GALK2: variants seen among roughly 807,000 people sequenced by gnomAD.
The protein encoded by GALK2 is N-acetylgalactosamine kinase.
In GALK2, 36 loss-of-function variants were observed where a neutral mutation model predicts 52.4. The observed-to-expected ratio is 0.69, with a 90% confidence interval of 0.53 to 0.91. The LOEUF (loss-of-function observed/expected upper bound fraction) is 0.91, where lower values mean the gene tolerates loss of function less well. GALK2 is among the 40% of genes least tolerant of loss of function. The probability of loss-of-function intolerance (pLI) is 0.00; values close to 1 mark genes in which losing one functional copy is unlikely to be tolerated. For missense variants in GALK2, 579 were observed against 559.1 expected (o/e 1.04, Z -0.36); for synonymous variants, 176 against 199.1 (o/e 0.88, Z 0.98).
At chr15:49,240,484 A>C (rs533295509) in intron 5 of GALK2, among the ~76,000 whole-genome samples, 1 of 152,362 alleles carries the variant, frequency 6.6e-6, no homozygotes, top group African/African-American at 2.4e-5. Context: ...ACAAGTAAAT[A>C]GGCAACTGCA....
chr15:49,365,703 A>G (rs2045039497), intron 3 of GALK2: 2 of 909,416 alleles, frequency 2.2e-6, no homozygotes, highest in African/African-American at 1.6e-5. Context: ...TTTTAATTAA[A>G]TTCAGACAGA....
In GALK2 at chr15:49,243,547, T is replaced by C. The variant is rs563260770; in HGVS notation, c.504+4180T>C. On this transcript the variant is annotated intron_variant, in intron 5 of 9. Coordinates refer to ENST00000560031, the MANE Select transcript of GALK2 (RefSeq NM_002044.4). ...TTTACAAAGCTTCTAATAAGCTTTT[T>C]AGTGACTCACTCTTAAATATGATAG... Among the ~76,000 whole-genome samples the C allele has an allele frequency of 6.6e-5, 10 of 152,250 alleles. No individual in the cohort carries two copies. The East Asian group carries it at 1.2e-3, about 18-fold the overall frequency.
chr15:49,349,512 T>A (rs2041959423), intron 3 of GALK2, among the ~76,000 whole-genome samples: 1 of 152,210 alleles, frequency 6.6e-6, no homozygotes, highest in Non-Finnish European at 1.5e-5. Flanking sequence ...TTTATGCTTA[T>A]TCTCTATTAC....
At chr15:49,367,551 G>A (rs1448536115) in exon 4 of GALK2, 4 of 1,605,812 alleles carry the variant, frequency 2.5e-6, no homozygotes, top group Middle Eastern at 1.7e-4. Flanking sequence ...AATGGACTCT[G>A]ACCTCCAAAA....
At chr15:49,306,897 G>A (rs2035588042) in intron 8 of GALK2, among the ~76,000 whole-genome samples, 1 of 152,164 alleles carries the variant, frequency 6.6e-6, no homozygotes, top group Admixed American at 6.5e-5. Flanking sequence ...CTAATAAGAT[G>A]AGAGCAAGAT....
intron 2 of GALK2, among the ~76,000 whole-genome samples, chr15:49,205,910 A>T (rs902748583): frequency 6.6e-6 from 1 of 152,182 alleles, no homozygotes; most frequent in Non-Finnish European, 1.5e-5. Context: ...ATTTTTGTGT[A>T]AGGTGAGAGA....
chr15:49,172,323 T>C (rs1440841822), intron 1 of GALK2, among the ~76,000 whole-genome samples: 1 of 152,244 alleles, frequency 6.6e-6, no homozygotes, highest in Non-Finnish European at 1.5e-5. Flanking sequence ...ATATTTATTC[T>C]GTGTTATCCA....
chr15:49,270,228 A>T (rs555913088), intron 5 of GALK2, among the ~76,000 whole-genome samples: 1 of 152,226 alleles, frequency 6.6e-6, no homozygotes, highest in African/African-American at 2.4e-5. Flanking sequence ...GAAAAGAATA[A>T]AAACATACCA....
At chr15:49,259,213 G>T (rs1270428573) in intron 5 of GALK2, among the ~76,000 whole-genome samples, 1 of 151,356 alleles carries the variant, frequency 6.6e-6, no homozygotes, top group Non-Finnish European at 1.5e-5. Flanking sequence ...TATACTTTAA[G>T]TTTTAGGGTA....
At chr15:49,357,820 T>C (rs2043441771) in intron 3 of GALK2, among the ~76,000 whole-genome samples, 1 of 152,060 alleles carries the variant, frequency 6.6e-6, no homozygotes, top group African/African-American at 2.4e-5. Flanking sequence ...TTGATGAACA[T>C]TGATGCAAAA....
At chr15:49,336,906 G>C (rs1354695684) in intron 3 of GALK2, among the ~76,000 whole-genome samples, 1 of 152,106 alleles carries the variant, frequency 6.6e-6, no homozygotes, top group Non-Finnish European at 1.5e-5. Context: ...ACACGTTTAT[G>C]TCCATGAGTA....
chr15:49,193,090 G>T (rs143271088), intron 1 of GALK2, among the ~76,000 whole-genome samples: 9,014 of 150,776 alleles, frequency 0.06, 536 homozygotes, highest in African/African-American at 0.15. Flanking sequence ...CTCCACCTCC[G>T]GGGTTCAAGC....
intron 3 of GALK2, among the ~76,000 whole-genome samples, chr15:49,339,868 G>GC (rs1567102209): frequency 6.6e-6 from 1 of 152,168 alleles, no homozygotes; most frequent in Admixed American, 6.5e-5. Context: ...TTGCTGAGCT[G>GC]CGGTGGGCTC....
At chr15:49,322,231 AGAAAAATTCAGTTCTGT>A in intron 9 of GALK2, among the ~76,000 whole-genome samples, 1 of 152,272 alleles carries the variant, frequency 6.6e-6, no homozygotes, top group African/African-American at 2.4e-5. Context: ...TTATTTTCTG[AGAAAAATTCAGTTCTGT>A]GAAAAATTCA....
chr15:49,227,994 A>G (rs997260772), intron 3 of GALK2, among the ~76,000 whole-genome samples: 1 of 152,074 alleles, frequency 6.6e-6, no homozygotes, highest in Non-Finnish European at 1.5e-5. Flanking sequence ...TGTTGAGTAT[A>G]GTATCCTTGG....
chr15:49,239,885 A>G (rs555430637), intron 5 of GALK2, among the ~76,000 whole-genome samples: 2 of 152,372 alleles, frequency 1.3e-5, no homozygotes, highest in Non-Finnish European at 2.9e-5. Flanking sequence ...CCTCAAGTTT[A>G]TAAGTTCACA....
chr15:49,230,380 C>T (rs1173000468), intron 3 of GALK2, among the ~76,000 whole-genome samples: 5 of 152,166 alleles, frequency 3.3e-5, no homozygotes, highest in African/African-American at 1.2e-4. Flanking sequence ...TTCTCTTGCC[C>T]TTTACCCACG....
intron 5 of GALK2, among the ~76,000 whole-genome samples, chr15:49,267,812 G>C (rs2092408185): frequency 6.6e-6 from 1 of 151,968 alleles, no homozygotes; most frequent in East Asian, 1.9e-4. Context: ...GAAGGAAGTT[G>C]GAAAATATTG....
chr15:49,158,525 G>A (rs566439005), intron 1 of GALK2, among the ~76,000 whole-genome samples: 1 of 152,064 alleles, frequency 6.6e-6, no homozygotes, highest in Non-Finnish European at 1.5e-5. Flanking sequence ...ACTAATACTA[G>A]TACACTCTTA....
Sources: gnomAD v4.1 joint callset for allele counts (sites outside exome capture counted in the v4.1 genomes callset) on GRCh38, gnomAD v4.1.1 for gene constraint, MANE v1.5 for transcripts, NCBI Gene and HGNC (gene_info 2026-07-23, HGNC 2026-07-21) for gene names.